Variants in ANO3 observed in about 807,000 individuals in gnomAD.
ANO3 encodes the protein anoctamin-3.
ANO3 carries 99 observed loss-of-function variants against 144.8 expected under a neutral mutation model. The observed-to-expected ratio is 0.68, with a 90% CI of 0.58 to 0.81. The LOEUF (loss-of-function observed/expected upper bound fraction) is 0.81, where lower values mean the gene tolerates loss of function less well. Ranked by LOEUF, ANO3 falls within the 30% of genes least tolerant of loss-of-function variation. The pLI is 0.00. For missense variants in ANO3, 905 were observed against 1,202.2 expected, an observed-to-expected ratio of 0.75 and a Z score of 3.66; for synonymous variants, 414 against 392.6, an observed-to-expected ratio of 1.05 and a Z score of -0.64.
intron 4 of ANO3, among the ~76,000 whole-genome samples, chr11:26,502,849 G>GA (rs397941347): frequency 0.35 from 26,987 of 77,412 alleles, 2,739 homozygotes; most frequent in South Asian, 0.47. Flanking sequence ...AACATTCAGG[G>GA]AAAAAAAAAA....
intron 4 of ANO3, among the ~76,000 whole-genome samples, chr11:26,484,189 G>A (rs1041885294): frequency 1.3e-5 from 2 of 152,098 alleles, no homozygotes; most frequent in Non-Finnish European, 2.9e-5. Flanking sequence ...ATAAAAGTTT[G>A]GAAAATTTGC....
chr11:26,220,371 G>A (rs887645045), intron 1 of ANO3, among the ~76,000 whole-genome samples: 8 of 152,166 alleles, frequency 5.3e-5, no homozygotes, highest in African/African-American at 1.7e-4. Flanking sequence ...CACATGAAAA[G>A]TTGCTAATGG....
At chr11:26,352,241 C>T (rs78453016) in intron 1 of ANO3, among the ~76,000 whole-genome samples, 2,167 of 152,258 alleles carry the variant, frequency 0.014, 49 homozygotes, top group East Asian at 0.11. Context: ...AGTTACCTCA[C>T]GACCCTGTCG....
intron 17 of ANO3, among the ~76,000 whole-genome samples, chr11:26,615,633 A>C (rs959141470): frequency 1.3e-5 from 2 of 152,128 alleles, no homozygotes; most frequent in Non-Finnish European, 2.9e-5. Flanking sequence ...AGAAGATGGT[A>C]ATAAATGTTA....
rs549848469 is a variant in ANO3, at chr11:26,479,346, G to A, written c.432+16198G>A. Among the ~76,000 whole-genome samples the A allele has an allele frequency of 3.3e-5, 5 of 152,210 alleles. No homozygotes were observed. In the South Asian group the frequency reaches 1.0e-3, roughly 32 times the overall value. Reference sequence around the variant, plus strand: ...TTTTTTAACAGTATGTACAGAATTCGATGTGTGTCTGTAATAGTCTGCTCT... The same window carrying A: ...TTTTTTAACAGTATGTACAGAATTCAATGTGTGTCTGTAATAGTCTGCTCT... On this transcript the variant is annotated intron_variant, in intron 4 of 26. Coordinates refer to ENST00000256737, the MANE Select transcript of ANO3 (RefSeq NM_031418.4).
At chr11:26,318,836 A>G (rs1854689181) in intron 1 of ANO3, among the ~76,000 whole-genome samples, 1 of 152,238 alleles carries the variant, frequency 6.6e-6, no homozygotes, top group African/African-American at 2.4e-5. Flanking sequence ...AATCTGGTGG[A>G]TAAATTATGT....
intron 14 of ANO3, among the ~76,000 whole-genome samples, chr11:26,596,340 A>C (rs1851628281): frequency 6.6e-6 from 1 of 152,064 alleles, no homozygotes; most frequent in Non-Finnish European, 1.5e-5. Flanking sequence ...TGTTGCCCCC[A>C]TTTGCCACTA....
chr11:26,570,899 G>C (rs996581428), intron 14 of ANO3, among the ~76,000 whole-genome samples: 11 of 152,050 alleles, frequency 7.2e-5, no homozygotes, highest in African/African-American at 2.7e-4. Flanking sequence ...GAGGGTTTTG[G>C]AAGCGTAACC....
chr11:26,426,393 G>A (rs1228276457), intron 1 of ANO3, among the ~76,000 whole-genome samples: 2 of 151,962 alleles, frequency 1.3e-5, no homozygotes, highest in South Asian at 4.1e-4. Flanking sequence ...TTTAGGGAGG[G>A]TAGTTTGGCA....
chr11:26,244,974 G>GGT (rs61543573), intron 1 of ANO3, among the ~76,000 whole-genome samples: 4,109 of 121,608 alleles, frequency 0.034, 114 homozygotes, highest in East Asian at 0.14. Context: ...CTGGTCTCCT[G>GGT]GTGTGTGTGT....
intron 1 of ANO3, among the ~76,000 whole-genome samples, chr11:26,336,222 A>G (rs973034053): frequency 1.3e-5 from 2 of 152,122 alleles, no homozygotes; most frequent in African/African-American, 4.8e-5. Flanking sequence ...TGGGCAAGAG[A>G]AAGACAATGA....
At chr11:26,563,020 C>G in intron 14 of ANO3, 1 of 1,471,592 alleles carries the variant, frequency 6.8e-7, no homozygotes, top group Admixed American at 2.4e-5. Flanking sequence ...CATATGAATT[C>G]TTTTGGAATT....
chr11:26,371,793 T>G (rs892886811), intron 1 of ANO3, among the ~76,000 whole-genome samples: 3 of 152,208 alleles, frequency 2.0e-5, no homozygotes, highest in Non-Finnish European at 4.4e-5. Flanking sequence ...TTTGGCCAAT[T>G]TCTCTCATTT....
In ANO3 at chr11:26,534,481, T is replaced by G; in HGVS notation, c.895T>G (p.Phe299Val). The G allele has an allele frequency of 1.2e-6, 2 of 1,612,670 alleles. No individual in the cohort carries two copies. The highest frequency in any genetic ancestry group is 1.7e-6 in the Non-Finnish European group (2 of 1,179,038). The change falls in exon 9 of 27, where the codon TTC becomes GTC. Residue 299 changes from phenylalanine to valine, a missense_variant. Coordinates refer to ENST00000256737, the MANE Select transcript of ANO3 (RefSeq NM_031418.4). ...HHFIINNKDT[F>V]FSNATRSRIV... ...CTTCATAATAAATAATAAAGACACC[T>G]TCTTCAGCAATGCTACTCGAAGCAG...
chr11:26,341,804 A>T (rs1458627519), intron 1 of ANO3, among the ~76,000 whole-genome samples: 8 of 152,178 alleles, frequency 5.3e-5, no homozygotes, highest in Non-Finnish European at 8.8e-5. Context: ...CCACTGGTGT[A>T]AGTCCAAGAG....
intron 1 of ANO3, among the ~76,000 whole-genome samples, chr11:26,386,934 A>G (rs1268343920): frequency 6.6e-6 from 1 of 152,046 alleles, no homozygotes; most frequent in Non-Finnish European, 1.5e-5. Context: ...GGTAAGTGGT[A>G]GAAGTTTTTA....
intron 26 of ANO3, 88 bp from the exon 27 acceptor site, chr11:26,660,174 C>T: frequency 8.3e-7 from 1 of 1,210,498 alleles, no homozygotes; most frequent in Non-Finnish European, 1.2e-6. Context: ...TGATTCAAGG[C>T]AAATGCAACA....
chr11:26,421,815 G>A (rs1240694248), intron 1 of ANO3, among the ~76,000 whole-genome samples: 2 of 152,024 alleles, frequency 1.3e-5, no homozygotes, highest in African/African-American at 4.8e-5. Context: ...TGGACCTTGA[G>A]GCCATTATCC....
chr11:26,434,686 A>G (rs558381367), intron 1 of ANO3, among the ~76,000 whole-genome samples: 2 of 152,248 alleles, frequency 1.3e-5, no homozygotes, highest in African/African-American at 4.8e-5. Flanking sequence ...ACTTACCTAA[A>G]AGTCACTCAG....
Sources: gnomAD v4.1 joint callset for allele counts (sites outside exome capture counted in the v4.1 genomes callset) on GRCh38, gnomAD v4.1.1 for gene constraint, MANE v1.5 for transcripts, NCBI Gene and HGNC (gene_info 2026-07-23, HGNC 2026-07-21) for gene names.